TTC7B: variants seen among roughly 807,000 people sequenced by gnomAD.
TTC7B encodes tetratricopeptide repeat protein 7B.
Under a neutral mutation model 106.8 loss-of-function variants are expected in TTC7B, and 28 were observed. The ratio of observed to expected loss-of-function variants is 0.26; its 90% CI spans 0.19 to 0.36. TTC7B has a LOEUF of 0.36. Among genes scored for constraint, TTC7B ranks in the 10% least tolerant of loss-of-function variants. TTC7B has a pLI of 1.00. For synonymous variants in TTC7B, 405 were observed against 430.6 expected, an observed-to-expected ratio of 0.94 and a Z score of 0.74; for missense variants, 862 against 1,076.4, an observed-to-expected ratio of 0.80 and a Z score of 2.79.
At chr14:90,599,488 G>A (rs1239911452) in intron 17 of TTC7B, among the ~76,000 whole-genome samples, 1 of 152,196 alleles carries the variant, frequency 6.6e-6, no homozygotes, top group East Asian at 1.9e-4. Context: ...AAAGATGTCA[G>A]CCGACCACCT....
chr14:90,707,454 T>C (rs1452119377), intron 5 of TTC7B, among the ~76,000 whole-genome samples: 1 of 152,178 alleles, frequency 6.6e-6, no homozygotes, highest in Non-Finnish European at 1.5e-5. Context: ...AATCAAAAGC[T>C]GGAAATAATT....
rs1047344080 is a variant in TTC7B, at chr14:90,530,393, A to G, written c.*10975T>C. On this transcript the variant is annotated 3_prime_UTR_variant, in exon 20 of 20. Coordinates refer to ENST00000328459, the MANE Select transcript of TTC7B (RefSeq NM_001010854.2). The stretch of plus-strand genomic sequence containing the variant: ...CTTCGTATGTCTGAAATTGTCCCCA[A>G]GGTGACTATGGTAAGTGAAATGATG... The G allele has an allele frequency of 1.3e-5, 2 of 152,232 alleles. No homozygotes were observed. Among genetic ancestry groups the G allele is most frequent in the Admixed American group, 6.5e-5 (1 of 15,284 alleles). 9.4% of individuals were successfully genotyped at this position (152,232 alleles called of 1,614,324 possible).
intron 19 of TTC7B, among the ~76,000 whole-genome samples, chr14:90,560,535 A>G (rs1346443697): frequency 6.6e-6 from 1 of 152,254 alleles, no homozygotes; most frequent in East Asian, 1.9e-4. Flanking sequence ...AGGATTCAGA[A>G]AGGGAAAGGA....
intron 2 of TTC7B, among the ~76,000 whole-genome samples, chr14:90,785,154 T>TC (rs1027625395): frequency 6.6e-5 from 10 of 151,804 alleles, no homozygotes; most frequent in Non-Finnish European, 1.5e-5. Flanking sequence ...GCGAGTAACC[T>TC]CCCCGGGGTC....
chr14:90,786,585 CT>C (rs879578268), intron 1 of TTC7B, among the ~76,000 whole-genome samples: 28 of 147,764 alleles, frequency 1.9e-4, no homozygotes, highest in Admixed American at 2.0e-4. Flanking sequence ...CCAGTAGATA[CT>C]TTTTTTTTTT....
At chr14:90,553,028 G>A (rs1455222045) in intron 19 of TTC7B, among the ~76,000 whole-genome samples, 1 of 152,240 alleles carries the variant, frequency 6.6e-6, no homozygotes, top group Admixed American at 6.5e-5. Context: ...TCTGGGGCAG[G>A]GACGGGGCCT....
intron 8 of TTC7B, among the ~76,000 whole-genome samples, chr14:90,679,636 C>A (rs180978153): frequency 3.9e-4 from 59 of 152,256 alleles, no homozygotes; most frequent in African/African-American, 1.4e-3. Context: ...GGGAAGGGGA[C>A]GCGAGCCCTC....
rs1472273406 is a variant in TTC7B at position 90,526,943 on chromosome 14, T to G, written c.*14425A>C. 2 of 152,206 alleles carry G rather than the reference T, an allele frequency of 1.3e-5. No individual in the cohort carries two copies. Among genetic ancestry groups the G allele is most frequent in the Non-Finnish European group, 2.9e-5 (2 of 68,038 alleles). The allele number at this position is 152,206 out of a possible 1,614,324, so 9.4% of individuals were successfully genotyped here. On this transcript the variant is annotated 3_prime_UTR_variant, in exon 20 of 20. Coordinates refer to ENST00000328459, the MANE Select transcript of TTC7B (RefSeq NM_001010854.2). ...ACGGTGCCTTTCATCCAGGACCCCGTACCACCTAATATTTAGCTATGTCTT... is the reference window on the plus strand; with the variant it reads ...ACGGTGCCTTTCATCCAGGACCCCGGACCACCTAATATTTAGCTATGTCTT...
chr14:90,781,367 G>T (rs1287541953), intron 2 of TTC7B, among the ~76,000 whole-genome samples: 1 of 152,174 alleles, frequency 6.6e-6, no homozygotes, highest in Non-Finnish European at 1.5e-5. Flanking sequence ...TCATTGTGGT[G>T]ATGGTTGCAC....
intron 9 of TTC7B, among the ~76,000 whole-genome samples, chr14:90,659,480 G>A (rs1886096953): frequency 6.6e-6 from 1 of 152,166 alleles, no homozygotes; most frequent in Admixed American, 6.5e-5. Flanking sequence ...GATCAGATCA[G>A]TCCAGAAGAG....
chr14:90,771,965 T>TTA (rs34245798), intron 3 of TTC7B, among the ~76,000 whole-genome samples: 2 of 145,934 alleles, frequency 1.4e-5, no homozygotes, highest in African/African-American at 2.5e-5. Flanking sequence ...AAATATATAA[T>TTA]TATATATATA....
At chr14:90,656,693 T>C (rs1216031986) in intron 11 of TTC7B, among the ~76,000 whole-genome samples, 1 of 152,110 alleles carries the variant, frequency 6.6e-6, no homozygotes, top group East Asian at 1.9e-4. Flanking sequence ...CTCAGAAGGC[T>C]GAGGTGAAAG....
rs1394730051 is a variant in TTC7B at position 90,608,753 on chromosome 14, A to G, written c.1966+1989T>C. The stretch of plus-strand genomic sequence containing the variant: ...TCAAGCACTCTAGGAAAAATGTCCC[A>G]ATGGGCAACGGGAAGAATGAATAAC... On this transcript the variant is annotated intron_variant, in intron 17 of 19. Coordinates refer to ENST00000328459, the MANE Select transcript of TTC7B (RefSeq NM_001010854.2). This position sits in a 1 kb window ranked among gnomAD's most constrained non-coding sequence, Gnocchi z 5.1. Among the ~76,000 whole-genome samples the G allele has an allele frequency of 6.6e-6, 1 of 152,220 alleles. No individual in the cohort carries two copies. Among genetic ancestry groups the G allele is most frequent in the Non-Finnish European group, 1.5e-5 (1 of 68,034 alleles).
At position 90,702,132 on chromosome 14, in the gene TTC7B, T is replaced by C. The variant is rs539418975; in HGVS notation, c.699-6554A>G. On this transcript the variant is annotated intron_variant, in intron 5 of 19. Transcript: ENST00000328459. ...AGACCCTGGAGCCGGACAGCATGAGTTCAAGTCCAAGCTTTGCCATTTATT... is the reference window on the plus strand; with the variant it reads ...AGACCCTGGAGCCGGACAGCATGAGCTCAAGTCCAAGCTTTGCCATTTATT... Among the ~76,000 whole-genome samples the C allele has an allele frequency of 2.6e-5, 4 of 152,188 alleles. No homozygotes were observed. In the East Asian group the frequency reaches 7.7e-4, roughly 29 times the overall value.
At chr14:90,655,285 G>A (rs920771467) in intron 11 of TTC7B, among the ~76,000 whole-genome samples, 175 bp from the exon 12 acceptor site, 7 of 152,082 alleles carry the variant, frequency 4.6e-5, no homozygotes, top group Non-Finnish European at 1.0e-4. Context: ...CTAACAGTTC[G>A]CAGGATTCCT....
Position 90,538,090 on chromosome 14 carries a change from C to G in TTC7B, c.*3278G>C, listed in dbSNP as rs1413217849. ...CCTGCATCTCACTGTCCAAAAAATG[C>G]CTCCACTGGGCAGACCTGGGCACTT... On this transcript the variant is annotated 3_prime_UTR_variant, in exon 20 of 20. Coordinates refer to ENST00000328459, the MANE Select transcript of TTC7B (RefSeq NM_001010854.2). The G allele has an allele frequency of 1.3e-5, 2 of 152,256 alleles. No individual in the cohort carries two copies. Among genetic ancestry groups the G allele is most frequent in the Non-Finnish European group, 2.9e-5 (2 of 68,066 alleles). 9.4% of individuals were successfully genotyped at this position (152,256 alleles called of 1,614,324 possible).
intron 1 of TTC7B, among the ~76,000 whole-genome samples, chr14:90,813,092 C>A (rs896638656): frequency 3.3e-5 from 5 of 152,210 alleles, no homozygotes; most frequent in South Asian, 2.1e-4. Flanking sequence ...CACTTTCTAC[C>A]CATGAAGTTC....
intron 12 of TTC7B, among the ~76,000 whole-genome samples, chr14:90,654,242 A>G (rs1885852764): frequency 6.6e-6 from 1 of 152,184 alleles, no homozygotes; most frequent in African/African-American, 2.4e-5. Context: ...CAGCAGGGTA[A>G]TGACTACAGG....
intron 12 of TTC7B, among the ~76,000 whole-genome samples, chr14:90,653,365 G>A (rs1033303582): frequency 3.9e-5 from 6 of 152,286 alleles, no homozygotes; most frequent in African/African-American, 1.4e-4. Flanking sequence ...CTGGGCCACC[G>A]ACAGTAGCTT....
Sources: gnomAD v4.1 joint callset for allele counts (sites outside exome capture counted in the v4.1 genomes callset) on GRCh38, gnomAD v4.1.1 for gene constraint, Gnocchi (gnomAD v3.1) non-coding constraint, MANE v1.5 for transcripts, NCBI Gene and HGNC (gene_info 2026-07-23, HGNC 2026-07-21) for gene names.